The following ADAMTS2 variants were observed in gnomAD, a reference collection of about 807,000 sequenced individuals.
ADAMTS2 encodes the protein A disintegrin and metalloproteinase with thrombospondin motifs 2.
A neutral mutation model predicts 123.0 loss-of-function variants in ADAMTS2; 50 were observed. That is an observed-to-expected ratio of 0.41 (90% CI 0.32 to 0.51). The LOEUF is 0.51. Ranked by LOEUF, ADAMTS2 falls within the 20% of genes least tolerant of loss-of-function variation. ADAMTS2 has a pLI of 0.35. For synonymous variants in ADAMTS2, 678 were observed against 695.4 expected (o/e 0.98, Z 0.39); for missense variants, 1,494 against 1,705.2 (o/e 0.88, Z 2.18).
chr5:179,122,789 C>G lies in ADAMTS2; in HGVS notation c.2959-16G>C. The G allele has an allele frequency of 6.4e-7, 1 of 1,553,660 alleles. No homozygotes were observed. Among genetic ancestry groups the G allele is most frequent in the African/African-American group, 1.4e-5 (1 of 73,286 alleles). ...TTACTGAGCACTGCAGGGGGAGAGT[C>G]GCCAGGCAGGGTTCACCTCCCACAC... On this transcript the variant is annotated splice_polypyrimidine_tract_variant and intron_variant, in intron 19 of 21. Coordinates refer to ENST00000251582, the MANE Select transcript of ADAMTS2 (RefSeq NM_014244.5).
chr5:179,233,123 C>T (rs930635317), intron 3 of ADAMTS2, among the ~76,000 whole-genome samples: 1 of 152,200 alleles, frequency 6.6e-6, no homozygotes, highest in African/African-American at 2.4e-5. Flanking sequence ...AATCGTTTTT[C>T]AGCAAATATA....
chr5:179,268,101 C>T (rs1766422985), intron 3 of ADAMTS2, among the ~76,000 whole-genome samples: 1 of 152,136 alleles, frequency 6.6e-6, no homozygotes, highest in Admixed American at 6.5e-5. Context: ...CATAAAAAGT[C>T]TGATGTCTGG....
Position 179,207,756 on chromosome 5 carries a change from C to T in ADAMTS2, c.689-41G>A, listed in dbSNP as rs200014719. 1.4e-5 allele frequency: 22 copies of T among 1,583,038 alleles called. No homozygotes were observed. The South Asian group carries it at 1.8e-4, about 13-fold the overall frequency. ...ACCGTCTTCAGCGGCAGGGCAAACCCACCCGGACACAAACCTACCAGGCGC... is the reference window on the plus strand; with the variant it reads ...ACCGTCTTCAGCGGCAGGGCAAACCTACCCGGACACAAACCTACCAGGCGC... On this transcript the variant is annotated intron_variant, in intron 3 of 21. Coordinates refer to ENST00000251582, the MANE Select transcript of ADAMTS2 (RefSeq NM_014244.5).
chr5:179,222,878 C>T (rs1218131056), intron 3 of ADAMTS2, among the ~76,000 whole-genome samples: 1 of 152,230 alleles, frequency 6.6e-6, no homozygotes, highest in East Asian at 1.9e-4. Flanking sequence ...GAACCTCCAG[C>T]ATGCTTCTCC....
At chr5:179,329,171 CAA>C (rs1229653757) in intron 2 of ADAMTS2, among the ~76,000 whole-genome samples, 1 of 151,932 alleles carries the variant, frequency 6.6e-6, no homozygotes, top group Non-Finnish European at 1.5e-5. Flanking sequence ...ACTAAAAATA[CAA>C]AAAATTAGCC....
At chr5:179,217,388 T>C (rs1260780603) in intron 3 of ADAMTS2, among the ~76,000 whole-genome samples, 2 of 152,194 alleles carry the variant, frequency 1.3e-5, no homozygotes, top group East Asian at 3.8e-4. Context: ...AAATGGTTGC[T>C]CACTGCAGGA....
intron 2 of ADAMTS2, among the ~76,000 whole-genome samples, chr5:179,322,776 C>T (rs1757222007): frequency 6.6e-6 from 1 of 152,230 alleles, no homozygotes; most frequent in Non-Finnish European, 1.5e-5. Context: ...AGAAAGAGGC[C>T]TCTCTGGGCT....
chr5:179,311,641 C>A (rs1417440244), intron 2 of ADAMTS2, among the ~76,000 whole-genome samples: 1 of 152,226 alleles, frequency 6.6e-6, no homozygotes, highest in Non-Finnish European at 1.5e-5. Context: ...CTCCCCATCA[C>A]CCCTCTGGTG....
rs558586243 is a variant in ADAMTS2, at chr5:179,342,937, G to C, written c.534+830C>G. Among the ~76,000 whole-genome samples the C allele has an allele frequency of 3.3e-5, 5 of 152,338 alleles. No individual in the cohort carries two copies. In the East Asian group the frequency reaches 9.6e-4, roughly 29 times the overall value. Reference sequence around the variant, plus strand: ...GCTCCAGTCACAGGACTAGAGAGGCGCAGGCAGTCTCAAAAGGGATCCCCT... The same window carrying C: ...GCTCCAGTCACAGGACTAGAGAGGCCCAGGCAGTCTCAAAAGGGATCCCCT... On this transcript the variant is annotated intron_variant, in intron 2 of 21. Transcript: ENST00000251582.
intron 5 of ADAMTS2, among the ~76,000 whole-genome samples, chr5:179,176,819 T>C (rs1245263291): frequency 3.3e-5 from 5 of 152,184 alleles, no homozygotes; most frequent in African/African-American, 1.2e-4. Flanking sequence ...ATCGGCTCCT[T>C]CCGACGTCTT....
rs143415140 is a variant in ADAMTS2, at chr5:179,265,633, G to A, written c.688+7278C>T. Among the ~76,000 whole-genome samples the A allele has an allele frequency of 4.8e-3, 730 of 152,320 alleles. 8 individuals are homozygous for A. Among genetic ancestry groups the A allele is most frequent in the African/African-American group, 0.017 (698 of 41,584 alleles). ...GGAGCTGGCCCCTCCTGCTCTCCCC[G>A]GCTGACCCCAGGCAACTCCAGCCTC... On this transcript the variant is annotated intron_variant, in intron 3 of 21. Transcript: ENST00000251582.
At chr5:179,116,260 A>ACCCCCCCCCCCCCCCCCCCC (rs146306326) in intron 21 of ADAMTS2, among the ~76,000 whole-genome samples, 33 of 93,870 alleles carry the variant, frequency 3.5e-4, no homozygotes, top group African/African-American at 3.9e-4. Flanking sequence ...TGACCACGGC[A>ACCCCCCCCCCCCCCCCCCCC]CCCCCCCCCC....
rs1441439928 is a variant in ADAMTS2, at chr5:179,147,066, GCTAA to G, written c.1629+5072_1629+5075del. On this transcript the variant is annotated intron_variant, in intron 10 of 21. Transcript: ENST00000251582. The stretch of plus-strand genomic sequence containing the variant: ...TGTCATCCATATGTTGTGAGGCTAG[GCTAA>G]CTTTTATTTATTTATGTTTTATTTA... Among the ~76,000 whole-genome samples, 5 of 152,190 alleles carry G rather than the reference GCTAA, an allele frequency of 3.3e-5. 1 individual carries two copies. Among genetic ancestry groups the G allele is most frequent in the African/African-American group, 9.6e-5 (4 of 41,536 alleles).
chr5:179,335,847 G>C (rs1267143380), intron 2 of ADAMTS2, among the ~76,000 whole-genome samples: 1 of 152,188 alleles, frequency 6.6e-6, no homozygotes, highest in African/African-American at 2.4e-5. Context: ...CAAGGTAACG[G>C]GAAGGGCTGC....
intron 4 of ADAMTS2, among the ~76,000 whole-genome samples, chr5:179,201,683 T>C (rs1764570258): frequency 6.8e-6 from 1 of 147,110 alleles, no homozygotes; most frequent in Non-Finnish European, 1.5e-5. Context: ...ATGCCTGTAA[T>C]CCCAGCTACT....
intron 3 of ADAMTS2, among the ~76,000 whole-genome samples, chr5:179,268,737 C>A (rs1766441881): frequency 6.6e-6 from 1 of 152,230 alleles, no homozygotes; most frequent in Non-Finnish European, 1.5e-5. Flanking sequence ...GGCAGCAGGA[C>A]CAGGGCCTGC....
At chr5:179,198,453 G>A (rs1002031554) in intron 4 of ADAMTS2, among the ~76,000 whole-genome samples, 1 of 152,176 alleles carries the variant, frequency 6.6e-6, no homozygotes, top group Non-Finnish European at 1.5e-5. Context: ...CAGCATCTCT[G>A]ACCAGGCTAA....
intron 17 of ADAMTS2, among the ~76,000 whole-genome samples, chr5:179,126,481 C>T (rs1375449643): frequency 3.9e-5 from 6 of 152,250 alleles, no homozygotes; most frequent in Non-Finnish European, 5.9e-5. Flanking sequence ...CGGGCAAGCA[C>T]TGGGCCCGCA....
In ADAMTS2 at chr5:179,272,615, A is replaced by G. The variant is rs770703685; in HGVS notation, c.688+296T>C. Among the ~76,000 whole-genome samples, 9 of 152,164 alleles carry G rather than the reference A, an allele frequency of 5.9e-5. No homozygotes were observed. The highest frequency in any genetic ancestry group is 8.8e-5 in the Non-Finnish European group (6 of 68,022). On this transcript the variant is annotated intron_variant, in intron 3 of 21. Coordinates refer to ENST00000251582, the MANE Select transcript of ADAMTS2 (RefSeq NM_014244.5). This position sits in a 1 kb window ranked among gnomAD's most constrained non-coding sequence, Gnocchi z 5.8. ...CACTTGCTTGCCTTTAGGCAACAGA[A>G]GATGGGCCCTTGGACAGCCTTCATA... is the stretch of plus-strand genomic sequence containing the variant.
Sources: allele counts gnomAD v4.1 joint callset (sites outside exome capture counted in the v4.1 genomes callset), GRCh38; gene constraint gnomAD v4.1.1; non-coding constraint Gnocchi (gnomAD v3.1); transcripts MANE v1.5; gene names NCBI Gene and HGNC (gene_info 2026-07-23, HGNC 2026-07-21).